CCDC138: variants seen among roughly 807,000 people sequenced by gnomAD.
The protein encoded by CCDC138 is coiled-coil domain-containing protein 138.
Under a neutral mutation model 82.3 loss-of-function variants are expected in CCDC138, and 66 were observed. The observed-to-expected ratio is 0.80, with a 90% CI of 0.66 to 0.98. The LOEUF (loss-of-function observed/expected upper bound fraction) is 0.98, where lower values mean the gene tolerates loss of function less well. Among genes scored for constraint, CCDC138 ranks in the 50% least tolerant of loss-of-function variants. The probability of loss-of-function intolerance (pLI) is 0.00; values close to 1 mark genes in which losing one functional copy is unlikely to be tolerated. For missense variants in CCDC138, 816 were observed against 758.9 expected (o/e 1.08, Z -0.88); for synonymous variants, 297 against 265.4 (o/e 1.12, Z -1.16).
intron 10 of CCDC138, among the ~76,000 whole-genome samples, chr2:108,819,355 A>G (rs919392069): frequency 6.6e-6 from 1 of 152,194 alleles, no homozygotes; most frequent in Non-Finnish European, 1.5e-5. Context: ...AAACAAAATA[A>G]TGGACTGCAT....
intron 6 of CCDC138, among the ~76,000 whole-genome samples, chr2:108,804,417 T>A (rs1682495291): frequency 6.6e-6 from 1 of 152,174 alleles, no homozygotes; most frequent in Non-Finnish European, 1.5e-5. Flanking sequence ...GCATCAAAAA[T>A]TTTAGCTGCT....
downstream of CCDC138, among the ~76,000 whole-genome samples, chr2:108,877,117 C>T (rs1397382873): frequency 6.6e-6 from 1 of 152,104 alleles, no homozygotes; most frequent in Non-Finnish European, 1.5e-5. Context: ...GAAGTAGAAA[C>T]AGAAAGCCAT....
intron 6 of CCDC138, among the ~76,000 whole-genome samples, chr2:108,803,468 A>G (rs890798857): frequency 6.6e-6 from 1 of 152,144 alleles, no homozygotes; most frequent in African/African-American, 2.4e-5. Context: ...TTAGAGACAG[A>G]GTCTTGCTGT....
intron 9 of CCDC138, among the ~76,000 whole-genome samples, chr2:108,814,700 A>C (rs1300914595): frequency 1.4e-5 from 2 of 145,194 alleles, no homozygotes; most frequent in African/African-American, 5.1e-5. Flanking sequence ...ATGGGGTCTC[A>C]CTCTGTCACC....
chr2:108,870,528 A>G (rs1441366904), intron 13 of CCDC138, among the ~76,000 whole-genome samples: 2 of 152,250 alleles, frequency 1.3e-5, no homozygotes, highest in African/African-American at 4.8e-5. Context: ...CACATTTGAT[A>G]AACCCAGAGT....
At chr2:108,860,055 G>T (rs937791008) in intron 13 of CCDC138, among the ~76,000 whole-genome samples, 2 of 151,908 alleles carry the variant, frequency 1.3e-5, no homozygotes, top group African/African-American at 4.8e-5. Context: ...TCTTGTGTGT[G>T]TGTGGCTGTT....
At chr2:108,791,581 TCA>T (rs1679915927) in intron 3 of CCDC138, 92 bp from the exon 4 acceptor site, 2 of 1,407,298 alleles carry the variant, frequency 1.4e-6, no homozygotes, top group East Asian at 4.7e-5. Flanking sequence ...ACATTTTTTC[TCA>T]GTTATGCTGT....
rs901791010 is a variant in CCDC138 at position 108,806,565 on chromosome 2, T to C, written c.855+1557T>C. ...TAAGTACTTTGGGCTTTGTAGGCCA[T>C]GTGGTCTCTCTTTCAGTGACCCAGC... On this transcript the variant is annotated intron_variant, in intron 7 of 14. Coordinates refer to ENST00000295124, the MANE Select transcript of CCDC138 (RefSeq NM_144978.3). Among the ~76,000 whole-genome samples, 3 of 152,180 alleles carry C rather than the reference T, an allele frequency of 2.0e-5. No individual in the cohort carries two copies. In the East Asian group the frequency reaches 5.8e-4, roughly 29 times the overall value.
intron 11 of CCDC138, among the ~76,000 whole-genome samples, chr2:108,842,673 T>G (rs1319431171): frequency 1.3e-5 from 2 of 152,088 alleles, no homozygotes; most frequent in African/African-American, 4.8e-5. Context: ...AGGGAGGAGT[T>G]GTCTAAGGCA....
At chr2:108,794,932 G>T (rs575504139) in intron 5 of CCDC138, among the ~76,000 whole-genome samples, 1 of 151,952 alleles carries the variant, frequency 6.6e-6, no homozygotes, top group Non-Finnish European at 1.5e-5. Flanking sequence ...GTTTTTATTT[G>T]TAGGTGTGTG....
chr2:108,843,886 CTTTTTTTTTTT>C (rs57196170), intron 11 of CCDC138, among the ~76,000 whole-genome samples: 1 of 94,018 alleles, frequency 1.1e-5, no homozygotes, highest in East Asian at 2.8e-4. Context: ...GTGTTTCTTT[CTTTTTTTTTTT>C]TTTTTTTTTT....
chr2:108,804,714 T>G (rs1026809150), intron 6 of CCDC138, 175 bp from the exon 7 acceptor site: 1 of 177,304 alleles, frequency 5.6e-6, no homozygotes, highest in Non-Finnish European at 1.1e-5. Flanking sequence ...GTTATCTTGG[T>G]AGATTGCATG....
rs761023173 is a variant in CCDC138, at chr2:108,846,916, A to G, written c.1502A>G (p.Lys501Arg). The G allele has an allele frequency of 3.1e-6, 5 of 1,596,826 alleles. No individual in the cohort carries two copies. Among genetic ancestry groups the G allele is most frequent in the African/African-American group, 1.3e-5 (1 of 74,286 alleles). ...LRFLSTLIVL[K>R]TVTQADYLAQ... ...TTTTTATCAACCTTAATTGTTCTCA[A>G]AACAGTCACTCAAGGTAAGCTTTCA... is the stretch of plus-strand genomic sequence containing the variant. The change falls in exon 12 of 15, where the codon AAA (lysine) becomes AGA (arginine). Residue 501 changes from lysine to arginine, a missense_variant. By Grantham distance (26) the Lys-to-Arg change is conservative. Transcript: ENST00000295124.
rs531391329 is a variant in CCDC138 at position 108,791,253 on chromosome 2, G to A, written c.267-422G>A. 5.9e-5 allele frequency among the ~76,000 whole-genome samples: 9 copies of A among 152,148 alleles called. 1 individual carries two copies. In the South Asian group the frequency reaches 1.9e-3, roughly 32 times the overall value. On this transcript the variant is annotated intron_variant, in intron 3 of 14. Coordinates refer to ENST00000295124, the MANE Select transcript of CCDC138 (RefSeq NM_144978.3). ...TTTCAACTCAGATTGTCTTTTTGGA[G>A]ACAACACCTGGAATTCTAGTTCTGC...
chr2:108,811,247 C>CTTTTTTTTTTTTTTTTTTTTTT (rs55661786), intron 7 of CCDC138, among the ~76,000 whole-genome samples: 1 of 113,940 alleles, frequency 8.8e-6, no homozygotes, highest in African/African-American at 3.8e-5. Context: ...TTCTCTCTCT[C>CTTTTTTTTTTTTTTTTTTTTTT]TTTTTTTTTT....
intron 12 of CCDC138, among the ~76,000 whole-genome samples, chr2:108,853,528 CTTT>C (rs34664337): frequency 4.3e-5 from 6 of 139,084 alleles, no homozygotes; most frequent in Admixed American, 7.3e-5. Flanking sequence ...TGATAGCTTT[CTTT>C]TTTTTTTTTT....
intron 13 of CCDC138, among the ~76,000 whole-genome samples, chr2:108,859,677 A>G (rs1693244224): frequency 6.6e-6 from 1 of 152,148 alleles, no homozygotes; most frequent in Non-Finnish European, 1.5e-5. Context: ...TTTATATACC[A>G]GTACCATGGT....
chr2:108,854,022 ATT>A, intron 12 of CCDC138, among the ~76,000 whole-genome samples: 1 of 109,188 alleles, frequency 9.2e-6, no homozygotes, highest in African/African-American at 3.7e-5. Context: ...TATATAATAA[ATT>A]TATATTATAT....
chr2:108,831,467 G>A (rs921155263), intron 10 of CCDC138, among the ~76,000 whole-genome samples: 1 of 152,086 alleles, frequency 6.6e-6, no homozygotes, highest in African/African-American at 2.4e-5. Flanking sequence ...GTCGGAAGAG[G>A]CTTGGTATTT....
Sources: allele counts gnomAD v4.1 joint callset (sites outside exome capture counted in the v4.1 genomes callset), GRCh38; gene constraint gnomAD v4.1.1; transcripts MANE v1.5; gene names NCBI Gene and HGNC (gene_info 2026-07-23, HGNC 2026-07-21).